Variants in MTA1 observed in about 807,000 individuals in gnomAD.
MTA1 encodes the protein metastasis associated 1.
MTA1 carries 15 observed loss-of-function variants against 97.0 expected under a neutral mutation model. The ratio of observed to expected loss-of-function variants is 0.15; its 90% CI spans 0.10 to 0.24. The LOEUF is 0.24. Among genes scored for constraint, MTA1 ranks in the 10% least tolerant of loss-of-function variants. The pLI is 1.00. For synonymous variants in MTA1, 435 were observed against 417.5 expected, an observed-to-expected ratio of 1.04 and a Z score of -0.51; for missense variants, 709 against 1,015.1, an observed-to-expected ratio of 0.70 and a Z score of 4.10.
chr14:105,423,276 G>A (rs1327638544), intron 1 of MTA1, among the ~76,000 whole-genome samples: 1 of 142,576 alleles, frequency 7.0e-6, no homozygotes, highest in African/African-American at 2.7e-5. Context: ...CTGGAGTGCA[G>A]AGGCGCGATT....
chr14:105,465,107 G>A lies in MTA1; in HGVS notation c.1548G>A (p.Leu516=). 6.6e-7 allele frequency: 1 copy of A among 1,518,510 alleles called. No individual in the cohort carries two copies. The allele number at this position is 1,518,510 out of a possible 1,614,324, so 94.1% of individuals were successfully genotyped here. The change falls in exon 16 of 21, where the codon CTG becomes CTA. Residue 516 remains leucine, a synonymous_variant. Coordinates refer to ENST00000331320, the MANE Select transcript of MTA1 (RefSeq NM_004689.4). ...GGTACCCCGCAGGCACGGCGCGGCTGCCCGAAGCCTCCCAGAGCCCGCTGG... is the reference window on the plus strand; with the variant it reads ...GGTACCCCGCAGGCACGGCGCGGCTACCCGAAGCCTCCCAGAGCCCGCTGG... ...AAIKAECTAR[L]PEASQSPLVL...
intron 10 of MTA1, among the ~76,000 whole-genome samples, chr14:105,462,077 C>T (rs1330192829): frequency 6.6e-6 from 1 of 151,784 alleles, no homozygotes; most frequent in Non-Finnish European, 1.5e-5. Flanking sequence ...AGGCAGCGCT[C>T]AGGGGACTGC....
Position 105,465,201 on chromosome 14 carries a change from C to A in MTA1, c.1624+18C>A. 1 of 1,499,788 alleles carries A rather than the reference C, an allele frequency of 6.7e-7. No homozygotes were observed. Among genetic ancestry groups the A allele is most frequent in the Admixed American group, 2.1e-5 (1 of 47,736 alleles). The allele number at this position is 1,499,788 out of a possible 1,614,324, so 92.9% of individuals were successfully genotyped here. A position where few individuals can be genotyped will look rare whatever the true frequency, so the allele number is the denominator to read the frequency against. On this transcript the variant is annotated intron_variant, in intron 16 of 20. Coordinates refer to ENST00000331320, the MANE Select transcript of MTA1 (RefSeq NM_004689.4). ...GTATCTTGGTGAGCAGCCAGGCGTG[C>A]TGGGGGGCTCCCAATGCTGCCTGCA...
At chr14:105,449,110 C>T (rs1306896866) in intron 3 of MTA1, 5 of 494,878 alleles carry the variant, frequency 1.0e-5, no homozygotes, top group Non-Finnish European at 7.2e-6. Context: ...GACAGGGGCC[C>T]TCCACAGCCA....
chr14:105,443,228 G>C (rs1008900695), intron 2 of MTA1, among the ~76,000 whole-genome samples: 20 of 152,256 alleles, frequency 1.3e-4, no homozygotes, highest in East Asian at 5.8e-4. Flanking sequence ...GTGGTCCCTG[G>C]GTTCACACCA....
Position 105,454,374 on chromosome 14 carries a change from G to A in MTA1, c.550+64G>A. On this transcript the variant is annotated intron_variant, in intron 7 of 20. Coordinates refer to ENST00000331320, the MANE Select transcript of MTA1 (RefSeq NM_004689.4). ...GTCCTGTCCTGCCGGGTGACACACT[G>A]GGTGAGAGGAGGCTGGGACATGGCC... The A allele has an allele frequency of 2.5e-6, 3 of 1,183,876 alleles. No individual in the cohort carries two copies. In the South Asian group the frequency reaches 3.7e-5, roughly 14 times the overall value. The allele number at this position is 1,183,876 out of a possible 1,614,324, so 73.3% of individuals were successfully genotyped here. A position where few individuals can be genotyped will look rare whatever the true frequency, so the allele number is the denominator to read the frequency against.
rs782224816 is a variant in MTA1, at chr14:105,438,658, G to C, written c.29-14G>C. 11 of 1,613,338 alleles carry C rather than the reference G, an allele frequency of 6.8e-6. No homozygotes were observed. The highest frequency in any genetic ancestry group is 5.0e-5 in the Admixed American group (3 of 60,018). On this transcript the variant is annotated splice_polypyrimidine_tract_variant and intron_variant, in intron 1 of 20. Coordinates refer to ENST00000331320, the MANE Select transcript of MTA1 (RefSeq NM_004689.4). ...TGGTGCCACAGGTGGCACTCTCTCT[G>C]TTGCTGTTTGCAGACTACGTCTACT...
At position 105,469,965 on chromosome 14, in the gene MTA1, T is replaced by C. The variant is rs1555433997; in HGVS notation, c.1970T>C (p.Val657Ala). 1 of 1,612,482 alleles carries C rather than the reference T, an allele frequency of 6.2e-7. No individual in the cohort carries two copies. Among genetic ancestry groups the C allele is most frequent in the South Asian group, 1.1e-5 (1 of 91,070 alleles). ...AACTGGATCGACGCCCCGGATGACG[T>C]GTTCTACATGGCCACAGAGGAGACC... is the stretch of plus-strand genomic sequence containing the variant. ...RMNWIDAPDDVFYMATEETRK... is the reference protein window; with the variant it reads ...RMNWIDAPDDAFYMATEETRK... The change falls in exon 20 of 21, where the codon GTG becomes GCG. Residue 657 changes from valine (V) to alanine (A), a missense_variant. Transcript: ENST00000331320.
chr14:105,466,724 C>A lies in MTA1; in HGVS notation c.1795C>A (p.Leu599Ile). The change falls in exon 18 of 21, where the codon CTC (leucine) becomes ATC (isoleucine). Residue 599 changes from leucine (L) to isoleucine (I), a missense_variant. Leu to Ile is a conservative substitution (Grantham distance 5). Coordinates refer to ENST00000331320, the MANE Select transcript of MTA1 (RefSeq NM_004689.4). ...GCTGCCAGGCAACATGAAGAAGCGC[C>A]TCTTGATGCCCAGTAGGGGTAAGGC... is the stretch of plus-strand genomic sequence containing the variant. The part of the protein sequence containing the change: ...NGVDGNMKKR[L>I]LMPSRGLANH... 2 of 1,597,780 alleles carry A rather than the reference C, an allele frequency of 1.3e-6. No individual in the cohort carries two copies. Among genetic ancestry groups the A allele is most frequent in the Non-Finnish European group, 1.7e-6 (2 of 1,173,796 alleles).
At chr14:105,464,903 G>T (rs1555432229) in intron 15 of MTA1, 40 bp downstream of exon 15, 1 of 1,519,612 alleles carries the variant, frequency 6.6e-7, no homozygotes, top group South Asian at 1.3e-5. Flanking sequence ...GTTCCTGCGG[G>T]TGGTGGGGAG....
chr14:105,439,027 T>A (rs1555425059), intron 2 of MTA1, among the ~76,000 whole-genome samples: 2 of 152,146 alleles, frequency 1.3e-5, no homozygotes, highest in African/African-American at 4.8e-5. Context: ...AAGATGCCAG[T>A]GTCCCCTGGG....
intron 18 of MTA1, chr14:105,467,047 C>T: frequency 1.9e-6 from 1 of 521,116 alleles, no homozygotes; most frequent in East Asian, 3.5e-5. Context: ...TGCCCGCATG[C>T]TGCCAGCCTC....
intron 1 of MTA1, among the ~76,000 whole-genome samples, chr14:105,428,034 A>AAG (rs1555422600): frequency 6.7e-6 from 1 of 150,018 alleles, no homozygotes; most frequent in Non-Finnish European, 1.5e-5. Context: ...AAAAAAAAAA[A>AAG]GTTAGGTTTA....
intron 6 of MTA1, among the ~76,000 whole-genome samples, chr14:105,450,937 G>A (rs782696418): frequency 7.9e-5 from 12 of 152,338 alleles, no homozygotes; most frequent in Admixed American, 2.6e-4. Context: ...CTGAGGCCAC[G>A]TGGGGGCAAA....
intron 18 of MTA1, chr14:105,467,693 C>A: frequency 2.8e-6 from 1 of 359,486 alleles, no homozygotes; most frequent in Non-Finnish European, 5.6e-6. Flanking sequence ...ACCCTCCCAG[C>A]CATCTGGTAT....
intron 6 of MTA1, among the ~76,000 whole-genome samples, chr14:105,453,220 G>T (rs1239629179): frequency 6.6e-6 from 1 of 152,284 alleles, no homozygotes; most frequent in Non-Finnish European, 1.5e-5. Flanking sequence ...GGTGGCGGCC[G>T]GCGGTGCTGA....
intron 6 of MTA1, among the ~76,000 whole-genome samples, chr14:105,450,651 C>T (rs145283945): frequency 6.6e-6 from 1 of 152,138 alleles, no homozygotes; most frequent in African/African-American, 2.4e-5. Flanking sequence ...CCTGAGTCTT[C>T]GCAGGAGTCT....
intron 1 of MTA1, among the ~76,000 whole-genome samples, chr14:105,423,988 C>T (rs868979935): frequency 6.6e-6 from 1 of 152,246 alleles, no homozygotes; most frequent in African/African-American, 2.4e-5. Context: ...GCCCTGGAGA[C>T]ACGGCCGTCC....
intron 6 of MTA1, among the ~76,000 whole-genome samples, chr14:105,450,685 G>A (rs2082892982): frequency 6.6e-6 from 1 of 152,160 alleles, no homozygotes; most frequent in Non-Finnish European, 1.5e-5. Flanking sequence ...CTGGGCGGTG[G>A]GCAGAGTCCT....
Sources: allele counts gnomAD v4.1 joint callset (sites outside exome capture counted in the v4.1 genomes callset), GRCh38; gene constraint gnomAD v4.1.1; transcripts MANE v1.5; gene names NCBI Gene and HGNC (gene_info 2026-07-23, HGNC 2026-07-21).